LYSMD3: variants seen among roughly 807,000 people sequenced by gnomAD.
LYSMD3 encodes the protein lysM and putative peptidoglycan-binding domain-containing protein 3.
A neutral mutation model predicts 26.1 loss-of-function variants in LYSMD3; 13 were observed. The ratio of observed to expected loss-of-function variants is 0.50; its 90% confidence interval spans 0.32 to 0.79. The LOEUF is 0.79. LYSMD3 is among the 30% of genes least tolerant of loss of function. LYSMD3 has a pLI of 0.03. For missense variants in LYSMD3, 331 were observed against 362.5 expected (o/e 0.91, Z 0.71); for synonymous variants, 109 against 119.4 (o/e 0.91, Z 0.57).
rs779482319 is a variant in LYSMD3, at chr5:90,525,106, T to A, written c.184A>T (p.Ile62Phe). The change falls in exon 2 of 3, where the codon ATT (isoleucine) becomes TTT (phenylalanine). Residue 62 changes from isoleucine to phenylalanine, a missense_variant. Ile to Phe is a conservative substitution (Grantham distance 21). Transcript: ENST00000315948. ...TGTATATCTTTTGTTAATACTATAA[T>A]GTCGTCAAGTCTATCTCTTGATGTA... ...RSTSRDRLDD[I>F]IVLTKDIQEG... 4.3e-6 allele frequency: 7 copies of A among 1,613,728 alleles called. No homozygotes were observed. In the East Asian group the frequency reaches 1.6e-4, roughly 36 times the overall value.
In LYSMD3 at chr5:90,517,413, A is replaced by G. The variant is rs1157453140; in HGVS notation, c.*1406T>C. ...TATATATCTTAAGTATATATTATAT[A>G]CAAAACAGGCAATCCAGACTCCACC... On this transcript the variant is annotated 3_prime_UTR_variant, in exon 3 of 3. Transcript: ENST00000315948. 4 of 152,240 alleles carry G rather than the reference A, an allele frequency of 2.6e-5. No homozygotes were observed. Among genetic ancestry groups the G allele is most frequent in the East Asian group, 3.9e-4 (2 of 5,192 alleles). 9.4% of individuals were successfully genotyped at this position (152,240 alleles called of 1,614,324 possible).
chr5:90,529,358 C>T (rs1753303257), intron 1 of LYSMD3, 90 bp downstream of exon 1: 6 of 455,816 alleles, frequency 1.3e-5, no homozygotes, highest in South Asian at 9.3e-5. Flanking sequence ...CACCTGTGGC[C>T]GAGGCTCAGC....
chr5:90,525,148 C>T lies in LYSMD3; in HGVS notation c.142G>A (p.Glu48Lys), dbSNP rs911538843. The T allele has an allele frequency of 1.2e-6, 2 of 1,613,966 alleles. No individual in the cohort carries two copies. Among genetic ancestry groups the T allele is most frequent in the African/African-American group, 2.7e-5 (2 of 74,930 alleles). Reference protein sequence around the residue: ...EVYELRSRGKEKVRRSTSRDR... With the variant: ...EVYELRSRGKKKVRRSTSRDR... Reference sequence around the variant, plus strand: ...CTTGATGTACTTCTTCGGACTTTCTCTTTTCCTCTGGATCGAAGTTCATAC... The same window carrying T: ...CTTGATGTACTTCTTCGGACTTTCTTTTTTCCTCTGGATCGAAGTTCATAC... The change falls in exon 2 of 3, where the codon GAG becomes AAG. Residue 48 changes from glutamate (E) to lysine (K), a missense_variant. Glu to Lys is a moderately conservative substitution (Grantham distance 56, BLOSUM62 1). Coordinates refer to ENST00000315948, the MANE Select transcript of LYSMD3 (RefSeq NM_198273.2).
intron 2 of LYSMD3, among the ~76,000 whole-genome samples, chr5:90,522,045 C>T (rs1753101104): frequency 6.6e-6 from 1 of 152,102 alleles, no homozygotes; most frequent in Non-Finnish European, 1.5e-5. Flanking sequence ...TATGTCCCCA[C>T]CCAAATCTCA....
chr5:90,519,491 G>C lies in LYSMD3; in HGVS notation c.256-7C>G, dbSNP rs767495580. 8.4e-6 allele frequency: 13 copies of C among 1,544,846 alleles called. No individual in the cohort carries two copies. The Admixed American group carries it at 2.5e-4, about 29-fold the overall frequency. ...CTCTCTTGATATCTGCTACCTGTGG[G>C]GGGGAAAAAAAAGCAACATACAACT... is the stretch of plus-strand genomic sequence containing the variant. On this transcript the variant is annotated splice_polypyrimidine_tract_variant and splice_region_variant and intron_variant, in intron 2 of 2. Coordinates refer to ENST00000315948, the MANE Select transcript of LYSMD3 (RefSeq NM_198273.2).
At chr5:90,521,480 G>C (rs972824809) in intron 2 of LYSMD3, among the ~76,000 whole-genome samples, 7 of 152,054 alleles carry the variant, frequency 4.6e-5, no homozygotes, top group Admixed American at 6.6e-5. Flanking sequence ...ATCTTGCAAT[G>C]TATGTGTGGG....
At chr5:90,522,366 G>C (rs1214313786) in intron 2 of LYSMD3, among the ~76,000 whole-genome samples, 1 of 152,130 alleles carries the variant, frequency 6.6e-6, no homozygotes, top group Non-Finnish European at 1.5e-5. Context: ...CCAGTCTCAG[G>C]TATTTCTTTA....
rs1257920400 is a variant in LYSMD3, at chr5:90,519,227, T to C, written c.513A>G (p.Ile171Met). The C allele has an allele frequency of 3.1e-6, 5 of 1,614,024 alleles. No homozygotes were observed. The Admixed American group carries it at 5.0e-5, about 16-fold the overall frequency. ...CTCTCTTATTGTCTGTACACTTTAC[T>C]ATTTGTTCTATGTCTCGGTCTACTT... is the stretch of plus-strand genomic sequence containing the variant. ...LKEVDRDIEQ[I>M]VKCTDNKREN... is the part of the protein sequence containing the mutation. Residue 171 changes from isoleucine to methionine, a missense_variant, in exon 3 of 3, where the codon ATA becomes ATG. Physicochemically the swap from Ile to Met is conservative, Grantham distance 10 (BLOSUM62 1). Around this residue, in one of 3 missense-constraint regions of LYSMD3, gnomAD observed 262 missense variants for 267.3 expected, o/e 0.98. Coordinates refer to ENST00000315948, the MANE Select transcript of LYSMD3 (RefSeq NM_198273.2).
rs1459480539 is a variant in LYSMD3 at position 90,515,664 on chromosome 5, G to A, written c.*3155C>T. On this transcript the variant is annotated 3_prime_UTR_variant, in exon 3 of 3. Transcript: ENST00000315948. ...AAGAGAAACTTTATTACATGTTGGA[G>A]ATCTTTCAAAATATGAAAAATAAGG... is the stretch of plus-strand genomic sequence containing the variant. 6.6e-6 allele frequency: 1 copy of A among 152,048 alleles called. No homozygotes were observed. The highest frequency in any genetic ancestry group is 1.5e-5 in the Non-Finnish European group (1 of 67,988). The allele number at this position is 152,048 out of a possible 1,614,324, so 9.4% of individuals were successfully genotyped here. A position where few individuals can be genotyped will look rare whatever the true frequency, so the allele number is the denominator to read the frequency against.
rs1479403649 is a variant in LYSMD3 at position 90,525,035 on chromosome 5, C to T, written c.255G>A (p.Thr85=). 7.6e-6 allele frequency: 12 copies of T among 1,577,524 alleles called. No individual in the cohort carries two copies. The highest frequency in any genetic ancestry group is 6.8e-5 in the East Asian group (3 of 44,376). ...LNAIALQYCC[T]VADIKRVNNL... is the part of the protein sequence containing the mutation. ...TGCATTATGTAATATTAAAACTTAC[C>T]GTACAACAGTACTGAAGGGCTATTG... is the stretch of plus-strand genomic sequence containing the variant. Residue 85 remains threonine, a splice_region_variant and synonymous_variant, in exon 2 of 3, where the codon ACG becomes ACA. Transcript: ENST00000315948.
rs200104611 is a variant in LYSMD3, at chr5:90,519,385, C to T, written c.355G>A (p.Glu119Lys). 6.4e-5 allele frequency: 104 copies of T among 1,613,766 alleles called. No individual in the cohort carries two copies. The highest frequency in any genetic ancestry group is 1.6e-4 in the African/African-American group (12 of 74,844). ...CTTCCTTTTGGAGGACAAAGTGTTTCGGTCAAGGAACTGAACTTTTTTACT... is the reference window on the plus strand; with the variant it reads ...CTTCCTTTTGGAGGACAAAGTGTTTTGGTCAAGGAACTGAACTTTTTTACT... Reference protein sequence around the residue: ...IPVKKFSSLTETLCPPKGRQT... With the variant: ...IPVKKFSSLTKTLCPPKGRQT... Residue 119 changes from glutamate to lysine, a missense_variant, in exon 3 of 3, where the codon GAA becomes AAA. Transcript: ENST00000315948.
In LYSMD3 at chr5:90,525,269, A is replaced by C. The variant is rs1203602975; in HGVS notation, c.21T>G (p.Asn7Lys). The C allele has an allele frequency of 1.2e-6, 2 of 1,608,116 alleles. No individual in the cohort carries two copies. The highest frequency in any genetic ancestry group is 2.2e-5 in the East Asian group (1 of 44,814). MAGRHQ[N>K]RSFPLPGVQS... ...GAACTCCTGGAAGAGGAAAACTACGATTCTGATGCCTCCCTGCCATAATGT... is the reference window on the plus strand; with the variant it reads ...GAACTCCTGGAAGAGGAAAACTACGCTTCTGATGCCTCCCTGCCATAATGT... Residue 7 changes from asparagine to lysine, a missense_variant, in exon 2 of 3, where the codon AAT becomes AAG. Physicochemically the swap from Asn to Lys is moderately conservative, Grantham distance 94. This residue lies in a region of LYSMD3 where 262 missense variants were observed against 267.3 expected (regional missense o/e 0.98). Coordinates refer to ENST00000315948, the MANE Select transcript of LYSMD3 (RefSeq NM_198273.2).
Position 90,519,499 on chromosome 5 carries a change from A to AT in LYSMD3, c.256-16_256-15insA. 3 of 1,585,220 alleles carry AT rather than the reference A, an allele frequency of 1.9e-6. No homozygotes were observed. The highest frequency in any genetic ancestry group is 2.6e-6 in the Non-Finnish European group (3 of 1,168,798). On this transcript the variant is annotated splice_polypyrimidine_tract_variant and intron_variant, in intron 2 of 2. Coordinates refer to ENST00000315948, the MANE Select transcript of LYSMD3 (RefSeq NM_198273.2). ...ATATCTGCTACCTGTGGGGGGGAAA[A>AT]AAAAGCAACATACAACTGAATTCCA...
chr5:90,520,316 T>G (rs1204710091), intron 2 of LYSMD3: 1 of 441,858 alleles, frequency 2.3e-6, no homozygotes. Context: ...CACCATCTAT[T>G]AGTCCCATTC....
intron 2 of LYSMD3, among the ~76,000 whole-genome samples, chr5:90,519,869 G>A (rs967379996): frequency 9.3e-5 from 14 of 151,244 alleles, no homozygotes; most frequent in African/African-American, 3.4e-4. Flanking sequence ...TTGGAAACTG[G>A]AATATAGACA....
chr5:90,524,001 C>T (rs938447315), intron 2 of LYSMD3, among the ~76,000 whole-genome samples: 9 of 152,124 alleles, frequency 5.9e-5, no homozygotes, highest in African/African-American at 1.9e-4. Flanking sequence ...ATACACCTTT[C>T]CTCTTATCTG....
intron 2 of LYSMD3, among the ~76,000 whole-genome samples, chr5:90,523,119 T>A (rs1753132672): frequency 6.7e-6 from 1 of 150,250 alleles, no homozygotes; most frequent in African/African-American, 2.5e-5. Context: ...ATGGTCTTAT[T>A]TCTCTACAAA....
chr5:90,516,768 A>G lies in LYSMD3; in HGVS notation c.*2051T>C, dbSNP rs1752962246. 1 of 152,484 alleles carries G rather than the reference A, an allele frequency of 6.6e-6. No individual in the cohort carries two copies. The highest frequency in any genetic ancestry group is 2.4e-5 in the African/African-American group (1 of 41,454). 9.4% of individuals were successfully genotyped at this position (152,484 alleles called of 1,614,324 possible). A position where few individuals can be genotyped will look rare whatever the true frequency, so the allele number is the denominator to read the frequency against. ...GTTATAAGGATGTATATTTCCTTCA[A>G]AAAAGGATACTCTGCAAGACAAATG... is the stretch of plus-strand genomic sequence containing the variant. On this transcript the variant is annotated 3_prime_UTR_variant, in exon 3 of 3. Coordinates refer to ENST00000315948, the MANE Select transcript of LYSMD3 (RefSeq NM_198273.2).
Position 90,521,163 on chromosome 5 carries a change from G to T in LYSMD3, c.256-1679C>A, listed in dbSNP as rs561581997. ...GACACTTTCTAGCTGTATGACCTGG[G>T]GCAAGTTGTTTAACCTCTTTGCCAT... On this transcript the variant is annotated intron_variant, in intron 2 of 2. Transcript: ENST00000315948. Among the ~76,000 whole-genome samples, 6 of 152,140 alleles carry T rather than the reference G, an allele frequency of 3.9e-5. No individual in the cohort carries two copies. In the South Asian group the frequency reaches 1.2e-3, roughly 32 times the overall value.
Sources: gnomAD v4.1 joint callset for allele counts (sites outside exome capture counted in the v4.1 genomes callset) on GRCh38, gnomAD v4.1.1 for gene constraint, gnomAD v4.1.1 regional missense constraint, MANE v1.5 for transcripts, NCBI Gene and HGNC (gene_info 2026-07-23, HGNC 2026-07-21) for gene names.